IAH1: variants seen among roughly 807,000 people sequenced by gnomAD.
IAH1 encodes the protein isoamyl acetate-hydrolyzing esterase 1 homolog.
Under a neutral mutation model 26.7 loss-of-function variants are expected in IAH1, and 24 were observed. The ratio of observed to expected loss-of-function variants is 0.90; its 90% CI spans 0.65 to 1.26. The LOEUF (loss-of-function observed/expected upper bound fraction) is 1.26, where lower values mean the gene tolerates loss of function less well. IAH1 is among the 50% of genes most tolerant of loss of function. IAH1 has a pLI of 0.00. For synonymous variants in IAH1, 140 were observed against 118.5 expected (o/e 1.18, Z -1.18); for missense variants, 300 against 299.9 (o/e 1.00, Z 0.00).
At chr2:9,495,585 T>C (rs1450951523) in intron 6 of IAH1, among the ~76,000 whole-genome samples, 2 of 151,822 alleles carry the variant, frequency 1.3e-5, no homozygotes, top group African/African-American at 4.8e-5. Context: ...GTGGTGGTGC[T>C]TGCCTGTAGT....
chr2:9,503,573 G>C, the IAH1 span, among the ~76,000 whole-genome samples: 2 of 152,166 alleles, frequency 1.3e-5, no homozygotes, highest in African/African-American at 4.8e-5. Flanking sequence ...AGGAGCAGTG[G>C]CTCACGCCTG....
At chr2:9,503,761 C>G in the IAH1 span, among the ~76,000 whole-genome samples, 11 of 151,634 alleles carry the variant, frequency 7.3e-5, no homozygotes, top group East Asian at 2.1e-3. Context: ...TGGCTTGAAC[C>G]CAGGAGGCGG....
downstream of IAH1, among the ~76,000 whole-genome samples, chr2:9,497,622 C>T (rs749403341): frequency 1.3e-5 from 2 of 152,340 alleles, no homozygotes; most frequent in East Asian, 1.9e-4. Context: ...CTGACTTCAT[C>T]GCACACAACT....
chr2:9,505,616 C>CA, the IAH1 span: 3 of 478,774 alleles, frequency 6.3e-6, no homozygotes, highest in South Asian at 6.4e-5. Flanking sequence ...CGAAGGTAAG[C>CA]AAGCTATACA....
intron 5 of IAH1, 28 bp from the exon 6 acceptor site, chr2:9,488,119 A>G: frequency 2.6e-6 from 4 of 1,534,260 alleles, no homozygotes; most frequent in South Asian, 1.3e-5. Context: ...CCAGTTACCC[A>G]CCTTTAACCG....
the IAH1 span, among the ~76,000 whole-genome samples, chr2:9,504,352 G>T: frequency 6.6e-6 from 1 of 152,164 alleles, no homozygotes; most frequent in Non-Finnish European, 1.5e-5. Flanking sequence ...GGCTGAGGCA[G>T]GGGAATCGCT....
At chr2:9,503,360 AAC>A in the IAH1 span, among the ~76,000 whole-genome samples, 1 of 152,180 alleles carries the variant, frequency 6.6e-6, no homozygotes. Context: ...AAAAAATGAA[AAC>A]CTGGGTAACT....
chr2:9,474,919 C>A lies in IAH1; in HGVS notation c.81+272C>A. On this transcript the variant is annotated intron_variant, in intron 1 of 5. Transcript: ENST00000497473. This position sits in a 1 kb window ranked among gnomAD's most constrained non-coding sequence, Gnocchi z 4.3. ...CGGCCGCGCTGCCCGCCCCGCGCCGCCTCCCACCCGGGTCGAGATGCGCGG... is the reference window on the plus strand; with the variant it reads ...CGGCCGCGCTGCCCGCCCCGCGCCGACTCCCACCCGGGTCGAGATGCGCGG... 2 of 753,874 alleles carry A rather than the reference C, an allele frequency of 2.7e-6. No homozygotes were observed. Among genetic ancestry groups the A allele is most frequent in the Non-Finnish European group, 3.4e-6 (2 of 581,700 alleles). 46.7% of individuals were successfully genotyped at this position (753,874 alleles called of 1,614,324 possible). A position where few individuals can be genotyped will look rare whatever the true frequency, so the allele number is the denominator to read the frequency against.
At chr2:9,497,699 T>C (rs1433763450), downstream of IAH1, among the ~76,000 whole-genome samples, 1 of 152,156 alleles carries the variant, frequency 6.6e-6, no homozygotes, top group Non-Finnish European at 1.5e-5. Context: ...ACAGATACTA[T>C]TCCTTCTACC....
chr2:9,505,184 T>C, the IAH1 span: 1 of 1,614,216 alleles, frequency 6.2e-7, no homozygotes, highest in Non-Finnish European at 8.5e-7. Flanking sequence ...GACACCTTCC[T>C]TCAACGTGCA....
downstream of IAH1, chr2:9,494,586 T>G (rs774968157): frequency 1.2e-6 from 2 of 1,600,580 alleles, no homozygotes; most frequent in Non-Finnish European, 1.7e-6. Context: ...ACTTACAAAA[T>G]AAAAACTTCC....
At chr2:9,489,750 C>CT (rs1661950541), downstream of IAH1, 1 of 93,798 alleles carries the variant, frequency 1.1e-5, no homozygotes, top group Admixed American at 1.1e-4. Context: ...AAAAAAAAAA[C>CT]TATTCCAGTT....
At chr2:9,480,098 C>T (rs1016063024) in intron 3 of IAH1, among the ~76,000 whole-genome samples, 35 of 152,022 alleles carry the variant, frequency 2.3e-4, no homozygotes, top group Admixed American at 2.3e-3. Flanking sequence ...CATGAGCAAC[C>T]GCACCTGGCC....
intron 4 of IAH1, 76 bp downstream of exon 4, chr2:9,481,523 C>A: frequency 1.4e-6 from 2 of 1,440,026 alleles, no homozygotes; most frequent in Non-Finnish European, 1.9e-6. Context: ...ACAGTGGTTT[C>A]CTGCCTGGGG....
downstream of IAH1, chr2:9,492,904 A>G (rs1324612636): frequency 6.2e-7 from 1 of 1,610,790 alleles, no homozygotes; most frequent in African/African-American, 1.3e-5. Flanking sequence ...TTACCACACA[A>G]TGGACAAGAA....
At chr2:9,495,860 C>CTTTTTT (rs34087915) in intron 6 of IAH1, among the ~76,000 whole-genome samples, 1 of 138,664 alleles carries the variant, frequency 7.2e-6, no homozygotes, top group Non-Finnish European at 1.6e-5. Flanking sequence ...TACGTGTTAC[C>CTTTTTT]TTTTTTTTTT....
At chr2:9,504,763 GAAAAAA>G in the IAH1 span, among the ~76,000 whole-genome samples, 10 of 117,790 alleles carry the variant, frequency 8.5e-5, no homozygotes, top group Non-Finnish European at 1.4e-4. Context: ...TCTGTCTCAG[GAAAAAA>G]AAAAAAAAAA....
At chr2:9,474,541 C>A, upstream of IAH1, 2 of 1,387,638 alleles carry the variant, frequency 1.4e-6, no homozygotes, top group South Asian at 1.4e-5. The surrounding 1 kb of genome is among the most constrained non-coding windows in gnomAD (Gnocchi z 4.3). Flanking sequence ...GGCTGGCGGC[C>A]CCGCCCCGCC....
In IAH1 at chr2:9,495,583, G is replaced by A. The variant is rs372670753; in HGVS notation, c.*222+723G>A. On this transcript the variant is annotated intron_variant, in intron 6 of 6. Transcript: ENST00000481367. ...AAAAAAATTAGCCAGATGTGGTGGT[G>A]CTTGCCTGTAGTCCCAGCTACTCAG... 2.6e-5 allele frequency among the ~76,000 whole-genome samples: 4 copies of A among 152,010 alleles called. No homozygotes were observed. In the East Asian group the frequency reaches 7.7e-4, roughly 29 times the overall value.
Sources: gnomAD v4.1 joint callset for allele counts (sites outside exome capture counted in the v4.1 genomes callset) on GRCh38, gnomAD v4.1.1 for gene constraint, Gnocchi (gnomAD v3.1) non-coding constraint, MANE v1.5 for transcripts, NCBI Gene and HGNC (gene_info 2026-07-23, HGNC 2026-07-21) for gene names.